The following PTBP1 variants were observed in gnomAD, a reference collection of about 807,000 sequenced individuals.
The protein encoded by PTBP1 is polypyrimidine tract-binding protein 1.
PTBP1 carries 8 observed loss-of-function variants against 59.8 expected under a neutral mutation model. The ratio of observed to expected loss-of-function variants is 0.13; its 90% CI spans 0.08 to 0.24. The LOEUF is 0.24. Among genes scored for constraint, PTBP1 ranks in the 10% least tolerant of loss-of-function variants. The pLI is 1.00. For synonymous variants in PTBP1, 490 were observed against 320.7 expected (o/e 1.53, Z -5.64); for missense variants, 686 against 767.0 (o/e 0.89, Z 1.25).
In PTBP1 at chr19:805,408, C is replaced by G. The variant is rs908333694; in HGVS notation, c.893-84C>G. The G allele has an allele frequency of 1.8e-5, 25 of 1,398,134 alleles. No homozygotes were observed. The Admixed American group carries it at 2.5e-4, about 14-fold the overall frequency. 86.6% of individuals were successfully genotyped at this position (1,398,134 alleles called of 1,614,324 possible). A position where few individuals can be genotyped will look rare whatever the true frequency, so the allele number is the denominator to read the frequency against. On this transcript the variant is annotated intron_variant, in intron 8 of 14. Coordinates refer to ENST00000356948, the MANE Select transcript of PTBP1 (RefSeq NM_002819.5). ...AGGCTCTGCCGGGGCCGCCCGCCGG[C>G]CGGGTTGGGGCCCATCCCGCAGCAC...
At chr19:799,306 G>C (rs751035227) in intron 1 of PTBP1, 107 bp from the exon 2 acceptor site, 17 of 992,830 alleles carry the variant, frequency 1.7e-5, no homozygotes, top group Non-Finnish European at 2.8e-5. Flanking sequence ...CCCTGCGGAG[G>C]TGGCAGCTGC....
intron 2 of PTBP1, 128 bp downstream of exon 2, chr19:799,571 T>C: frequency 1.1e-6 from 1 of 920,620 alleles, no homozygotes; most frequent in Non-Finnish European, 1.8e-6. Context: ...CTACCCTTGG[T>C]CTGGAATCTG....
chr19:804,724 C>T (rs1278134549), intron 6 of PTBP1, 22 bp downstream of exon 6: 2 of 1,609,990 alleles, frequency 1.2e-6, no homozygotes, highest in Non-Finnish European at 1.7e-6. Context: ...CCATCACCGC[C>T]AGGGCAGGTC....
At chr19:805,219 C>CAG (rs770789747) in intron 8 of PTBP1, 32 bp downstream of exon 8, 1 of 1,609,490 alleles carries the variant, frequency 6.2e-7, no homozygotes, top group South Asian at 1.1e-5. Flanking sequence ...CGCCAGTGTG[C>CAG]AGAGTGGTCT....
chr19:811,459 T>C lies in PTBP1; in HGVS notation c.*633T>C, dbSNP rs1219697449. ...ATTATATACTTTGCAGTTGCAGACG[T>C]CTGTGCCTAGCAATATTTCCAGTTG... On this transcript the variant is annotated 3_prime_UTR_variant, in exon 15 of 15. Coordinates refer to ENST00000356948, the MANE Select transcript of PTBP1 (RefSeq NM_002819.5). 1 of 152,496 alleles carries C rather than the reference T, an allele frequency of 6.6e-6. No homozygotes were observed. Among genetic ancestry groups the C allele is most frequent in the Non-Finnish European group, 1.5e-5 (1 of 68,044 alleles). The allele number at this position is 152,496 out of a possible 1,614,324, so 9.4% of individuals were successfully genotyped here.
intron 2 of PTBP1, among the ~76,000 whole-genome samples, chr19:802,650 C>T (rs1396060766): frequency 6.6e-6 from 1 of 152,202 alleles, no homozygotes; most frequent in African/African-American, 2.4e-5. Flanking sequence ...CTTTGCAGAC[C>T]AAGCGCCTGT....
intron 3 of PTBP1, 30 bp downstream of exon 3, chr19:803,666 CCCGTG>C (rs771922670): frequency 6.9e-6 from 11 of 1,585,508 alleles, no homozygotes; most frequent in Non-Finnish European, 9.5e-6. Flanking sequence ...CAGGGCAAGA[CCCGTG>C]GGTGTCTTTC....
intron 1 of PTBP1, among the ~76,000 whole-genome samples, chr19:798,957 C>T (rs932462389): frequency 2.0e-5 from 3 of 152,264 alleles, no homozygotes; most frequent in Non-Finnish European, 4.4e-5. Flanking sequence ...TGCTGAGAGG[C>T]ACCCTCTTGG....
chr19:798,281 T>C (rs1204310404), intron 1 of PTBP1: 5 of 151,984 alleles, frequency 3.3e-5, no homozygotes, highest in African/African-American at 1.2e-4. Flanking sequence ...TCCGGGCGGC[T>C]TTGCTGGGCG....
Position 806,484 on chromosome 19 carries a change from A to T in PTBP1, c.1047A>T (p.Ala349=). The change falls in exon 10 of 15, where the codon GCA becomes GCT. Residue 349 remains alanine (A), a synonymous_variant. Coordinates refer to ENST00000356948, the MANE Select transcript of PTBP1 (RefSeq NM_002819.5). ...IPSAAAAAAA[A]GRIAIPGLAG... The stretch of plus-strand genomic sequence containing the variant: ...CGGCGGCGGCGGCAGCTGCGGCGGC[A>T]GGTCGGATCGCCATCCCGGGCCTGG... The T allele has an allele frequency of 6.3e-7, 1 of 1,587,442 alleles. No individual in the cohort carries two copies. The highest frequency in any genetic ancestry group is 8.6e-7 in the Non-Finnish European group (1 of 1,168,560).
intron 2 of PTBP1, among the ~76,000 whole-genome samples, chr19:800,664 G>T (rs1385164642): frequency 6.6e-6 from 1 of 152,204 alleles, no homozygotes; most frequent in African/African-American, 2.4e-5. Context: ...TTTACGCGCT[G>T]CCTGCCCCGA....
intron 13 of PTBP1, among the ~76,000 whole-genome samples, chr19:809,085 T>C (rs2034723552): frequency 6.6e-6 from 1 of 152,160 alleles, no homozygotes; most frequent in African/African-American, 2.4e-5. Context: ...CTCGGTTCAC[T>C]GCAACCTCCG....
At chr19:799,115 T>TG (rs913344119) in intron 1 of PTBP1, among the ~76,000 whole-genome samples, 2 of 152,206 alleles carry the variant, frequency 1.3e-5, no homozygotes, top group Non-Finnish European at 2.9e-5. Flanking sequence ...GGGCTTCCGA[T>TG]GGGGGTGTCT....
Position 810,490 on chromosome 19 carries a change from T to G in PTBP1, c.1464-53T>G, listed in dbSNP as rs377690980. The G allele has an allele frequency of 1.5e-5, 23 of 1,525,178 alleles. No homozygotes were observed. The South Asian group carries it at 2.2e-4, about 14-fold the overall frequency. The allele number at this position is 1,525,178 out of a possible 1,614,324, so 94.5% of individuals were successfully genotyped here. ...CTGGGGAAAGCCTCGCGGACCTGAC[T>G]GGGCGCCCCCACCCCCACGCGGCCC... On this transcript the variant is annotated intron_variant, in intron 13 of 14. Transcript: ENST00000356948.
At position 805,051 on chromosome 19, in the gene PTBP1, G is replaced by A. The variant is rs776111976; in HGVS notation, c.756G>A (p.Thr252=). 3.8e-5 allele frequency: 62 copies of A among 1,613,684 alleles called. No homozygotes were observed. Among genetic ancestry groups the A allele is most frequent in the Non-Finnish European group, 5.1e-5 (60 of 1,179,866 alleles). The change falls in exon 8 of 15, where the codon ACG becomes ACA. Residue 252 remains threonine, a synonymous_variant. Transcript: ENST00000356948. ...DGQNIYNACC[T]LRIDFSKLTS... ...AGAACATCTACAACGCCTGCTGCAC[G>A]CTGCGCATCGACTTTTCCAAGCTCA...
At position 808,268 on chromosome 19, in the gene PTBP1, G is replaced by C. The variant is rs1260849637; in HGVS notation, c.1154-92G>C. ...AAAGCAAACCCGGCCGGGCTGAGCC[G>C]GGCCTTGTGGGGGTGCGCGGGGCCG... On this transcript the variant is annotated intron_variant, in intron 11 of 14. Transcript: ENST00000356948. This position sits in a 1 kb window ranked among gnomAD's most constrained non-coding sequence, Gnocchi z 4.7. 1 of 1,096,978 alleles carries C rather than the reference G, an allele frequency of 9.1e-7. No homozygotes were observed. Among genetic ancestry groups the C allele is most frequent in the South Asian group, 1.4e-5 (1 of 73,302 alleles). The allele number at this position is 1,096,978 out of a possible 1,614,324, so 68.0% of individuals were successfully genotyped here.
Position 811,221 on chromosome 19 carries a change from T to G in PTBP1, c.*395T>G, listed in dbSNP as rs1300980037. 1 of 158,556 alleles carries G rather than the reference T, an allele frequency of 6.3e-6. No individual in the cohort carries two copies. Among genetic ancestry groups the G allele is most frequent in the East Asian group, 1.8e-4 (1 of 5,420 alleles). The allele number at this position is 158,556 out of a possible 1,614,324, so 9.8% of individuals were successfully genotyped here. On this transcript the variant is annotated 3_prime_UTR_variant, in exon 15 of 15. Transcript: ENST00000356948. ...CGGGGTGTCCTGGGGACCCAAGGGGTGGGGGGGTCACACCAGAGAGAGGCA... is the reference window on the plus strand; with the variant it reads ...CGGGGTGTCCTGGGGACCCAAGGGGGGGGGGGGTCACACCAGAGAGAGGCA...
In PTBP1 at chr19:811,402, C is replaced by T. The variant is rs1412614496; in HGVS notation, c.*576C>T. 1 of 152,522 alleles carries T rather than the reference C, an allele frequency of 6.6e-6. No individual in the cohort carries two copies. The highest frequency in any genetic ancestry group is 6.5e-5 in the Admixed American group (1 of 15,290). The allele number at this position is 152,522 out of a possible 1,614,324, so 9.4% of individuals were successfully genotyped here. ...GCCCCCAGGCGGGCTCCCCGCTGCT[C>T]CAGCTGCGGAGCTGGTCGACATAAT... On this transcript the variant is annotated 3_prime_UTR_variant, in exon 15 of 15. Coordinates refer to ENST00000356948, the MANE Select transcript of PTBP1 (RefSeq NM_002819.5).
At chr19:799,621 C>T (rs1041709284) in intron 2 of PTBP1, among the ~76,000 whole-genome samples, 178 bp downstream of exon 2, 2 of 152,210 alleles carry the variant, frequency 1.3e-5, no homozygotes, top group Non-Finnish European at 2.9e-5. Context: ...CTCCAGTGCC[C>T]GTGAGTTTTG....
Sources: gnomAD v4.1 joint callset for allele counts (sites outside exome capture counted in the v4.1 genomes callset) on GRCh38, gnomAD v4.1.1 for gene constraint, Gnocchi (gnomAD v3.1) non-coding constraint, MANE v1.5 for transcripts, NCBI Gene and HGNC (gene_info 2026-07-23, HGNC 2026-07-21) for gene names.